Variants in C2CD2 observed in about 807,000 individuals in gnomAD.
C2CD2 encodes the protein C2 calcium dependent domain containing 2.
A neutral mutation model predicts 74.3 loss-of-function variants in C2CD2; 43 were observed. That is an observed-to-expected ratio of 0.58 (90% confidence interval 0.45 to 0.75). The LOEUF (loss-of-function observed/expected upper bound fraction) is 0.75. C2CD2 is among the 30% of genes least tolerant of loss of function. The pLI is 0.00. For synonymous variants in C2CD2, 422 were observed against 390.7 expected (o/e 1.08, Z -0.94); for missense variants, 801 against 916.3 (o/e 0.87, Z 1.63).
At position 41,899,863 on chromosome 21, in the gene C2CD2, G is replaced by C. The variant is rs971910902; in HGVS notation, c.1561-501C>G. 6.6e-6 allele frequency among the ~76,000 whole-genome samples: 1 copy of C among 151,670 alleles called. No individual in the cohort carries two copies. On this transcript the variant is annotated intron_variant, in intron 12 of 13. Coordinates refer to ENST00000380486, the MANE Select transcript of C2CD2 (RefSeq NM_015500.2). The surrounding 1 kb of genome is among the most constrained non-coding windows in gnomAD (Gnocchi z 4.4). ...TTAAGCACTAAATGAACCTCTGAGA[G>C]TCGGGATAGCGCTTCCTTGGAGGGG...
intron 2 of C2CD2, among the ~76,000 whole-genome samples, chr21:41,928,667 T>A (rs1002320951): frequency 6.6e-6 from 1 of 151,624 alleles, no homozygotes; most frequent in Non-Finnish European, 1.5e-5. Flanking sequence ...CCCCCTGAGT[T>A]ATGGACAGAG....
intron 13 of C2CD2, among the ~76,000 whole-genome samples, chr21:41,889,819 G>C (rs949083774): frequency 2.6e-5 from 4 of 152,000 alleles, no homozygotes; most frequent in African/African-American, 7.2e-5. Context: ...ATTTCTAGTA[G>C]AGACAGGGTT....
At chr21:41,930,428 C>T (rs1375118140) in intron 2 of C2CD2, among the ~76,000 whole-genome samples, 1 of 150,280 alleles carries the variant, frequency 6.7e-6, no homozygotes, top group Non-Finnish European at 1.5e-5. Flanking sequence ...CAGGGCCAGG[C>T]ACAGTAGCTC....
chr21:41,925,846 T>C (rs1392922765), intron 2 of C2CD2, among the ~76,000 whole-genome samples: 2 of 152,132 alleles, frequency 1.3e-5, no homozygotes, highest in Non-Finnish European at 2.9e-5. Flanking sequence ...AGGGTTAACA[T>C]CTACCTAAAT....
chr21:41,944,714 C>G (rs935317535), intron 1 of C2CD2, among the ~76,000 whole-genome samples: 24 of 152,246 alleles, frequency 1.6e-4, no homozygotes, highest in African/African-American at 5.5e-4. Flanking sequence ...CTCTGCATCT[C>G]TGCTGCTGTG....
Position 41,905,847 on chromosome 21 carries a change from G to T in C2CD2, c.1319-10C>A, listed in dbSNP as rs776785965. 4.1e-6 allele frequency: 6 copies of T among 1,466,568 alleles called. No homozygotes were observed. In the South Asian group the frequency reaches 5.7e-5, roughly 14 times the overall value. The allele number at this position is 1,466,568 out of a possible 1,614,324, so 90.8% of individuals were successfully genotyped here. ...GTCTTCACCGGAGAATCTGCCAGAG[G>T]AAGATCCTGATTACAAAAGCGGCCC... On this transcript the variant is annotated splice_polypyrimidine_tract_variant and intron_variant, in intron 10 of 13. Transcript: ENST00000380486.
intron 11 of C2CD2, among the ~76,000 whole-genome samples, chr21:41,904,704 T>C (rs1041785115): frequency 2.2e-4 from 33 of 152,166 alleles, no homozygotes; most frequent in African/African-American, 6.5e-4. Flanking sequence ...CAACACCATG[T>C]TAAGACAGTG....
intron 13 of C2CD2, among the ~76,000 whole-genome samples, chr21:41,891,518 C>G (rs768707376): frequency 1.3e-5 from 2 of 152,198 alleles, no homozygotes; most frequent in Non-Finnish European, 2.9e-5. Context: ...GATAGGGGCT[C>G]CCAGGCAGAG....
rs763463311 is a variant in C2CD2 at position 41,906,981 on chromosome 21, T to C, written c.1318+11A>G. 1 of 1,609,470 alleles carries C rather than the reference T, an allele frequency of 6.2e-7. No individual in the cohort carries two copies. The highest frequency in any genetic ancestry group is 1.7e-5 in the Admixed American group (1 of 59,954). ...GCAGAAAGTTCCTCGACTGCGTTCC[T>C]GTTGTCTCACCAGAGCTCAGCGGGG... is the stretch of plus-strand genomic sequence containing the variant. On this transcript the variant is annotated intron_variant, in intron 10 of 13. Coordinates refer to ENST00000380486, the MANE Select transcript of C2CD2 (RefSeq NM_015500.2).
rs2065214405 is a variant in C2CD2 at position 41,926,483 on chromosome 21, G to T, written c.379-4398C>A. ...CGGGGAGGGGAAAACAAGACTGAAG[G>T]CTGAAGAGCAGGCTGAGCGGGGAGG... On this transcript the variant is annotated intron_variant, in intron 2 of 13. Transcript: ENST00000380486. This position sits in a 1 kb window ranked among gnomAD's most constrained non-coding sequence, Gnocchi z 8.0. 1.3e-6 allele frequency: 1 copy of T among 792,034 alleles called. No homozygotes were observed. The highest frequency in any genetic ancestry group is 1.5e-6 in the Non-Finnish European group (1 of 653,176). The allele number at this position is 792,034 out of a possible 1,614,324, so 49.1% of individuals were successfully genotyped here.
rs2065244806 is a variant in C2CD2, at chr21:41,929,477, C to A, written c.379-7392G>T. Among the ~76,000 whole-genome samples the A allele has an allele frequency of 6.6e-6, 1 of 152,142 alleles. No homozygotes were observed. Among genetic ancestry groups the A allele is most frequent in the Middle Eastern group, 3.2e-3 (1 of 316 alleles). On this transcript the variant is annotated intron_variant, in intron 2 of 13. Transcript: ENST00000380486. This position sits in a 1 kb window ranked among gnomAD's most constrained non-coding sequence, Gnocchi z 4.6. The stretch of plus-strand genomic sequence containing the variant: ...GGGGCCCCTACACAACAGACACAGA[C>A]CCTGTGGCTCAGAGAAAGAAGGAAG...
chr21:41,904,736 A>G (rs1488403852), intron 11 of C2CD2, among the ~76,000 whole-genome samples: 1 of 151,706 alleles, frequency 6.6e-6, no homozygotes, highest in East Asian at 1.9e-4. Context: ...AGAACTTTCC[A>G]CTCCCCTGAC....
rs2064672265 is a variant in C2CD2 at position 41,885,375 on chromosome 21, A to T, written c.*3749T>A. The T allele has an allele frequency of 6.6e-6, 1 of 152,634 alleles. No individual in the cohort carries two copies. Among genetic ancestry groups the T allele is most frequent in the African/African-American group, 2.4e-5 (1 of 41,468 alleles). The allele number at this position is 152,634 out of a possible 1,614,324, so 9.5% of individuals were successfully genotyped here. On this transcript the variant is annotated 3_prime_UTR_variant, in exon 14 of 14. Transcript: ENST00000380486. ...TTTCGACATAACATTGGTAGAGTAA[A>T]CAACAAACCACAAGCCTAAATGATG...
chr21:41,916,454 G>A (rs990802694), intron 5 of C2CD2, among the ~76,000 whole-genome samples: 7 of 152,172 alleles, frequency 4.6e-5, no homozygotes, highest in African/African-American at 1.7e-4. Flanking sequence ...CGGGAAAGGG[G>A]CCTTTTCCTG....
rs750601645 is a variant in C2CD2, at chr21:41,919,087, CAT to C, written c.493-129_493-128del. On this transcript the variant is annotated intron_variant, in intron 3 of 13. Transcript: ENST00000380486. ...GCATGTGAGCATGTGTCTATGTGAG[CAT>C]ATATGAGTGCATGTGAGTGTGCGTG... 4.5e-4 allele frequency: 315 copies of C among 703,572 alleles called. 1 individual carries two copies. The highest frequency in any genetic ancestry group is 5.7e-4 in the Non-Finnish European group (227 of 397,438). The allele number at this position is 703,572 out of a possible 1,614,324, so 43.6% of individuals were successfully genotyped here. A position where few individuals can be genotyped will look rare whatever the true frequency, so the allele number is the denominator to read the frequency against.
At chr21:41,927,527 G>A (rs978645703) in intron 2 of C2CD2, among the ~76,000 whole-genome samples, 1 of 152,080 alleles carries the variant, frequency 6.6e-6, no homozygotes, top group Non-Finnish European at 1.5e-5. Context: ...CTGGAGTGTG[G>A]TGGCAGGATC....
At chr21:41,901,501 T>C (rs767257260) in intron 12 of C2CD2, 121 bp downstream of exon 12, 3 of 1,016,020 alleles carry the variant, frequency 3.0e-6, no homozygotes, top group South Asian at 2.6e-5. Flanking sequence ...AATTTGACAT[T>C]TGTAAATGGA....
Position 41,901,641 on chromosome 21 carries a change from A to G in C2CD2, c.1541T>C (p.Ile514Thr). ...LKSPRKKSTI[I>T]ISGISKTSLS... ...TGGTACCTTGGAGATCCCTGATATG[A>G]TAATAGTGCTTTTCTTCCGTGGCGA... The change falls in exon 12 of 14, where the codon ATC (isoleucine) becomes ACC (threonine). Residue 514 changes from isoleucine to threonine, a missense_variant. By Grantham distance (89) the Ile-to-Thr change is moderately conservative (BLOSUM62 -1). Transcript: ENST00000380486. 1 of 1,614,190 alleles carries G rather than the reference A, an allele frequency of 6.2e-7. No individual in the cohort carries two copies.
chr21:41,923,010 T>C lies in C2CD2; in HGVS notation c.379-925A>G, dbSNP rs1464972797. Among the ~76,000 whole-genome samples the C allele has an allele frequency of 6.6e-6, 1 of 151,996 alleles. No homozygotes were observed. The highest frequency in any genetic ancestry group is 1.9e-4 in the East Asian group (1 of 5,180). ...ATACAGTCTTTTTCCTTTTTTTTTT[T>C]TTGGAGATGGAGTTTCACTCTGTCG... On this transcript the variant is annotated intron_variant, in intron 2 of 13. Transcript: ENST00000380486. This position sits in a 1 kb window ranked among gnomAD's most constrained non-coding sequence, Gnocchi z 5.8.
Sources: allele counts gnomAD v4.1 joint callset (sites outside exome capture counted in the v4.1 genomes callset), GRCh38; gene constraint gnomAD v4.1.1; non-coding constraint Gnocchi (gnomAD v3.1); transcripts MANE v1.5; gene names NCBI Gene and HGNC (gene_info 2026-07-23, HGNC 2026-07-21).